The following WWOX variants were observed in gnomAD, a reference collection of about 807,000 sequenced individuals.
WWOX encodes the protein WW domain-containing oxidoreductase.
A neutral mutation model predicts 46.2 loss-of-function variants in WWOX; 69 were observed. The observed-to-expected ratio is 1.49, with a 90% CI of 1.23 to 1.82. The LOEUF is 1.82. Ranked by LOEUF, WWOX falls within the 40% of genes most tolerant of loss-of-function variation. WWOX has a pLI of 0.00. For missense variants in WWOX, 919 were observed against 542.6 expected, an observed-to-expected ratio of 1.69 and a Z score of -6.89; for synonymous variants, 359 against 202.6, an observed-to-expected ratio of 1.77 and a Z score of -6.56.
At chr16:79,175,108 T>C (rs1026530963) in intron 8 of WWOX, among the ~76,000 whole-genome samples, 2 of 152,192 alleles carry the variant, frequency 1.3e-5, no homozygotes, top group Admixed American at 1.3e-4. Flanking sequence ...TGTTTGGGAT[T>C]TGGGGCAACC....
At chr16:78,483,041 A>T (rs932618250) in intron 8 of WWOX, among the ~76,000 whole-genome samples, 1 of 152,226 alleles carries the variant, frequency 6.6e-6, no homozygotes, top group Non-Finnish European at 1.5e-5. Flanking sequence ...AGGGGTCCCT[A>T]GACATGAAGG....
At chr16:78,832,783 C>G (rs1567591676) in intron 8 of WWOX, among the ~76,000 whole-genome samples, 1 of 152,138 alleles carries the variant, frequency 6.6e-6, no homozygotes, top group African/African-American at 2.4e-5. Flanking sequence ...GGCGCCTTTA[C>G]AGAGGAAACC....
At chr16:78,978,747 A>T (rs1410679527) in intron 8 of WWOX, among the ~76,000 whole-genome samples, 1 of 152,186 alleles carries the variant, frequency 6.6e-6, no homozygotes, top group East Asian at 1.9e-4. Flanking sequence ...ACCGAATCGC[A>T]TGAGAACTCT....
chr16:78,331,868 T>C (rs1198017335), intron 5 of WWOX, among the ~76,000 whole-genome samples: 2 of 152,068 alleles, frequency 1.3e-5, no homozygotes, highest in Non-Finnish European at 2.9e-5. Flanking sequence ...TTCAAATTAT[T>C]CCCCCCTTTA....
At chr16:78,742,489 G>A (rs773921269) in intron 8 of WWOX, among the ~76,000 whole-genome samples, 14 of 152,200 alleles carry the variant, frequency 9.2e-5, no homozygotes, top group South Asian at 2.1e-4. Flanking sequence ...TATCTACAGC[G>A]TGGACCAGAG....
chr16:79,132,697 A>T (rs982856880), intron 8 of WWOX, among the ~76,000 whole-genome samples: 1 of 152,168 alleles, frequency 6.6e-6, no homozygotes, highest in African/African-American at 2.4e-5. Flanking sequence ...CTTAAAAAAA[A>T]CTTTGGAAAG....
intron 8 of WWOX, among the ~76,000 whole-genome samples, chr16:78,973,839 A>G (rs1417803354): frequency 6.6e-6 from 1 of 152,256 alleles, no homozygotes; most frequent in Non-Finnish European, 1.5e-5. Flanking sequence ...ATGAGCCGAG[A>G]GCCCCTGCTT....
At chr16:78,652,370 G>A (rs990590854) in intron 8 of WWOX, among the ~76,000 whole-genome samples, 2 of 142,904 alleles carry the variant, frequency 1.4e-5, no homozygotes, top group African/African-American at 5.4e-5. Flanking sequence ...GGTCACGCCA[G>A]TGTACTCCAG....
chr16:78,157,904 A>G (rs1452154395), intron 4 of WWOX, among the ~76,000 whole-genome samples: 1 of 152,222 alleles, frequency 6.6e-6, no homozygotes, highest in African/African-American at 2.4e-5. Context: ...GATTTTGCAA[A>G]AAGCAGGCAA....
chr16:79,197,894 G>A (rs1016367176), intron 8 of WWOX, among the ~76,000 whole-genome samples: 13 of 152,266 alleles, frequency 8.5e-5, no homozygotes, highest in African/African-American at 3.1e-4. Flanking sequence ...CAATCAGCAG[G>A]AAGTTATGCT....
intron 6 of WWOX, among the ~76,000 whole-genome samples, chr16:78,424,125 T>C (rs1158226480): frequency 6.8e-6 from 1 of 146,716 alleles, no homozygotes; most frequent in African/African-American, 2.5e-5. Flanking sequence ...TTTTTGTTTT[T>C]TTTTTTTTTG....
At position 78,779,446 on chromosome 16, in the gene WWOX, C is replaced by CT. The variant is rs552202308; in HGVS notation, c.1056+346700dup. Among the ~76,000 whole-genome samples, 32 of 152,236 alleles carry CT rather than the reference C, an allele frequency of 2.1e-4. No individual in the cohort carries two copies. The East Asian group carries it at 4.8e-3, about 23-fold the overall frequency. On this transcript the variant is annotated intron_variant, in intron 8 of 8. Transcript: ENST00000566780. Reference sequence around the variant, plus strand: ...CCACCGTGTCCGGCCCCCCTTTCTTCTTTTTTAAAGTGGGGTATTAAGGCT... The same window carrying CT: ...CCACCGTGTCCGGCCCCCCTTTCTTCTTTTTTTAAAGTGGGGTATTAAGGCT...
intron 5 of WWOX, among the ~76,000 whole-genome samples, chr16:78,182,593 G>C (rs534851687): frequency 1.3e-5 from 2 of 151,664 alleles, no homozygotes; most frequent in Admixed American, 1.3e-4. Context: ...TCAGCACATC[G>C]CTGTCAACCT....
At chr16:78,386,989 C>A in intron 6 of WWOX, 41 bp downstream of exon 6, 1 of 1,572,456 alleles carries the variant, frequency 6.4e-7, no homozygotes, top group South Asian at 1.1e-5. Flanking sequence ...TAATTTCTTG[C>A]TATTGTAATA....
intron 6 of WWOX, among the ~76,000 whole-genome samples, chr16:78,421,811 C>A (rs1177420256): frequency 6.6e-6 from 1 of 152,152 alleles, no homozygotes; most frequent in Non-Finnish European, 1.5e-5. Context: ...AAATACTTCT[C>A]CCTCATGATA....
At chr16:78,222,223 C>A (rs1287177616) in intron 5 of WWOX, among the ~76,000 whole-genome samples, 1 of 152,008 alleles carries the variant, frequency 6.6e-6, no homozygotes, top group Non-Finnish European at 1.5e-5. Context: ...TAAGCTGTCT[C>A]CTGGGAAGTT....
At chr16:78,585,506 G>GCAAA (rs1389366603) in intron 8 of WWOX, among the ~76,000 whole-genome samples, 1 of 152,080 alleles carries the variant, frequency 6.6e-6, no homozygotes, top group African/African-American at 2.4e-5. Context: ...GGTTAATTTA[G>GCAAA]CAAACCCCAG....
chr16:79,108,792 T>C (rs2049359681), intron 8 of WWOX, among the ~76,000 whole-genome samples: 1 of 151,928 alleles, frequency 6.6e-6, no homozygotes, highest in Non-Finnish European at 1.5e-5. Context: ...TCCTAGCTAC[T>C]TGGGAGGCTG....
rs1205254132 is a variant in WWOX, at chr16:78,188,928, T to G, written c.516+24639T>G. The stretch of plus-strand genomic sequence containing the variant: ...AGATCAGACTCTGCTTTAAAGTTAT[T>G]GAAGCAGGGTACAAGGAAAAGGGGA... On this transcript the variant is annotated intron_variant, in intron 5 of 8. Coordinates refer to ENST00000566780, the MANE Select transcript of WWOX (RefSeq NM_016373.4). 3.9e-5 allele frequency among the ~76,000 whole-genome samples: 6 copies of G among 152,140 alleles called. No individual in the cohort carries two copies. In the East Asian group the frequency reaches 1.2e-3, roughly 29 times the overall value.
Sources: gnomAD v4.1 joint callset for allele counts (sites outside exome capture counted in the v4.1 genomes callset) on GRCh38, gnomAD v4.1.1 for gene constraint, MANE v1.5 for transcripts, NCBI Gene and HGNC (gene_info 2026-07-23, HGNC 2026-07-21) for gene names.